The following YIPF7 variants were observed in gnomAD, a reference collection of about 807,000 sequenced individuals.
YIPF7 encodes the protein Yip1 domain family member 7, also known as protein YIPF7.
In YIPF7, 35 loss-of-function variants were observed where a neutral mutation model predicts 27.2. The ratio of observed to expected loss-of-function variants is 1.29; its 90% CI spans 0.98 to 1.70. The LOEUF is 1.70. Among genes scored for constraint, YIPF7 ranks in the 40% most tolerant of loss-of-function variants. The probability of loss-of-function intolerance (pLI) is 0.00; values close to 1 mark genes in which losing one functional copy is unlikely to be tolerated. For synonymous variants in YIPF7, 137 were observed against 110.4 expected, an observed-to-expected ratio of 1.24 and a Z score of -1.51; for missense variants, 358 against 303.7, an observed-to-expected ratio of 1.18 and a Z score of -1.33.
upstream of YIPF7, chr4:44,651,679 A>G: frequency 7.3e-7 from 1 of 1,363,202 alleles, no homozygotes. Context: ...TTGTATTCTG[A>G]CACCCTGAGC....
At chr4:44,630,475 G>T (rs543966522) in intron 3 of YIPF7, among the ~76,000 whole-genome samples, 1 of 152,310 alleles carries the variant, frequency 6.6e-6, no homozygotes, top group East Asian at 1.9e-4. Flanking sequence ...GTAAGTAAAA[G>T]TGATCATGAT....
chr4:44,629,298 C>A (rs1396295222), intron 4 of YIPF7, 105 bp downstream of exon 4: 32 of 1,256,702 alleles, frequency 2.5e-5, no homozygotes, highest in Non-Finnish European at 2.0e-6. Context: ...TTAAAAAATT[C>A]ACTATGTAAG....
At chr4:44,644,620 C>T (rs1300285070) in intron 2 of YIPF7, among the ~76,000 whole-genome samples, 2 of 152,090 alleles carry the variant, frequency 1.3e-5, no homozygotes, top group African/African-American at 4.8e-5. Flanking sequence ...AGGGAGTAGC[C>T]TTGTGTCAGG....
At chr4:44,632,362 C>A (rs958068017) in intron 3 of YIPF7, among the ~76,000 whole-genome samples, 3 of 152,166 alleles carry the variant, frequency 2.0e-5, no homozygotes, top group Non-Finnish European at 4.4e-5. Flanking sequence ...ACTTTCTACG[C>A]AAATTGTGGC....
Position 44,650,005 on chromosome 4 carries a change from TC to T in YIPF7, c.95del (p.Gly32GlufsTer61). 6.4e-7 allele frequency: 1 copy of T among 1,563,810 alleles called. No individual in the cohort carries two copies. The highest frequency in any genetic ancestry group is 1.9e-5 in the Admixed American group (1 of 53,756). ...EQSGNDSNAYGNLYGSRKQQA... is the reference protein window; with the variant it reads ...EQSGNDSNAYXNLYGSRKQQA... ...CTTACTTTCTAGATCCATAAAGATT[TC>T]CATAGGCATTAGAGTCATTACCACT... On this transcript the variant is annotated frameshift_variant, in exon 2 of 6. Transcript: ENST00000415895. LOFTEE classifies it high-confidence loss of function.
chr4:44,626,043 C>T (rs1456761908), intron 4 of YIPF7, among the ~76,000 whole-genome samples: 1 of 152,142 alleles, frequency 6.6e-6, no homozygotes, highest in Non-Finnish European at 1.5e-5. Flanking sequence ...TACAATTAAT[C>T]AGGGTAATGG....
chr4:44,648,167 G>A (rs1332929252), intron 2 of YIPF7, among the ~76,000 whole-genome samples: 1 of 152,004 alleles, frequency 6.6e-6, no homozygotes, highest in African/African-American at 2.4e-5. Context: ...GTCTTCTCAT[G>A]CAAAATGGGG....
At chr4:44,651,647 C>CTA (rs1425655196), upstream of YIPF7, 3 of 1,549,768 alleles carry the variant, frequency 1.9e-6, no homozygotes, top group Non-Finnish European at 2.6e-6. Context: ...GACATGCTGG[C>CTA]TATATATATA....
chr4:44,634,644 G>A (rs918179441), intron 3 of YIPF7, among the ~76,000 whole-genome samples: 7 of 152,066 alleles, frequency 4.6e-5, no homozygotes, highest in Admixed American at 3.3e-4. Flanking sequence ...AAGTATGCAT[G>A]TATATTCATA....
intron 2 of YIPF7, among the ~76,000 whole-genome samples, chr4:44,647,260 T>C (rs1275293526): frequency 6.6e-6 from 1 of 152,142 alleles, no homozygotes; most frequent in Admixed American, 6.5e-5. Context: ...TTCAGTCAAA[T>C]GGAAAAAGAA....
At chr4:44,661,479 T>C (rs1280577775) in intron 1 of YIPF7, among the ~76,000 whole-genome samples, 2 of 152,208 alleles carry the variant, frequency 1.3e-5, no homozygotes, top group African/African-American at 2.4e-5. Flanking sequence ...AGGCAGCAAA[T>C]TGACTGAGCA....
upstream of YIPF7, among the ~76,000 whole-genome samples, chr4:44,652,092 C>A (rs1006694946): frequency 1.3e-5 from 2 of 152,174 alleles, no homozygotes; most frequent in Non-Finnish European, 2.9e-5. Context: ...CTGCCTCTGA[C>A]TTTTTTCCTG....
At chr4:44,636,291 A>C (rs1053071509) in intron 2 of YIPF7, among the ~76,000 whole-genome samples, 1 of 152,208 alleles carries the variant, frequency 6.6e-6, no homozygotes, top group African/African-American at 2.4e-5. Flanking sequence ...AATCCACGCC[A>C]ATAAACATTA....
At chr4:44,644,417 A>G (rs1713448850) in intron 2 of YIPF7, among the ~76,000 whole-genome samples, 1 of 152,360 alleles carries the variant, frequency 6.6e-6, no homozygotes, top group Admixed American at 6.5e-5. Flanking sequence ...TAAAGCCACC[A>G]TGGGCTGCAC....
At chr4:44,658,976 T>A (rs1303033872) in intron 2 of YIPF7, among the ~76,000 whole-genome samples, 6 of 152,112 alleles carry the variant, frequency 3.9e-5, no homozygotes, top group African/African-American at 1.4e-4. Flanking sequence ...CCAAACCATA[T>A]CACTATTATT....
In YIPF7 at chr4:44,635,055, G is replaced by A. The variant is rs1577736219; in HGVS notation, c.280+867C>T. On this transcript the variant is annotated intron_variant, in intron 3 of 5. Coordinates refer to ENST00000415895, the MANE Select transcript of YIPF7 (RefSeq NM_182592.3). ...AAGAAAGAAGAATGTGGCTGGTTGT[G>A]TTCATGTGAGGCAAACACCTTTACA... 2.0e-5 allele frequency among the ~76,000 whole-genome samples: 3 copies of A among 152,246 alleles called. No homozygotes were observed. The South Asian group carries it at 6.2e-4, about 32-fold the overall frequency.
chr4:44,623,327 A>C (rs1321263822), intron 5 of YIPF7, among the ~76,000 whole-genome samples: 2 of 152,236 alleles, frequency 1.3e-5, no homozygotes, highest in African/African-American at 4.8e-5. Flanking sequence ...AAAATAAGAC[A>C]TAAGAGCTGG....
intron 2 of YIPF7, among the ~76,000 whole-genome samples, chr4:44,638,300 G>A (rs1713208641): frequency 6.6e-6 from 1 of 151,244 alleles, no homozygotes; most frequent in Admixed American, 6.6e-5. Flanking sequence ...AAGCCAGATG[G>A]AGCTGGACTA....
chr4:44,654,686 G>A (rs576882882), upstream of YIPF7, among the ~76,000 whole-genome samples: 119 of 151,898 alleles, frequency 7.8e-4, no homozygotes, highest in Middle Eastern at 6.8e-3. Flanking sequence ...ACCCAACACT[G>A]CCTTCTCTAT....
Sources: gnomAD v4.1 joint callset for allele counts (sites outside exome capture counted in the v4.1 genomes callset) on GRCh38, gnomAD v4.1.1 for gene constraint, MANE v1.5 for transcripts, NCBI Gene and HGNC (gene_info 2026-07-23, HGNC 2026-07-21) for gene names.